CRYZ: variants seen among roughly 807,000 people sequenced by gnomAD.
CRYZ encodes crystallin zeta.
A neutral mutation model predicts 34.1 loss-of-function variants in CRYZ; 35 were observed. The observed-to-expected ratio is 1.03, with a 90% CI of 0.78 to 1.36. The LOEUF (loss-of-function observed/expected upper bound fraction) is 1.36. Among genes scored for constraint, CRYZ ranks in the 40% most tolerant of loss-of-function variants. CRYZ has a pLI of 0.00. For missense variants in CRYZ, 403 were observed against 391.8 expected (o/e 1.03, Z -0.24); for synonymous variants, 137 against 136.5 (o/e 1.00, Z -0.03).
At chr1:74,722,398 C>T (rs1476445014) in intron 3 of CRYZ, among the ~76,000 whole-genome samples, 2 of 152,034 alleles carry the variant, frequency 1.3e-5, no homozygotes, top group South Asian at 2.1e-4. Context: ...TTCAGTGGAG[C>T]GATGGGGGCA....
intron 4 of CRYZ, among the ~76,000 whole-genome samples, chr1:74,717,029 C>T (rs1317233900): frequency 6.6e-6 from 1 of 152,152 alleles, no homozygotes; most frequent in Non-Finnish European, 1.5e-5. Context: ...GTGACGCAAT[C>T]ACACACAAGT....
At chr1:74,729,908 A>G (rs1647613189) in intron 1 of CRYZ, among the ~76,000 whole-genome samples, 1 of 152,134 alleles carries the variant, frequency 6.6e-6, no homozygotes, top group Non-Finnish European at 1.5e-5. Context: ...GAACACAAAG[A>G]GCAAGAAGAA....
intron 1 of CRYZ, chr1:74,730,564 T>TAAA (rs1647659061): frequency 6.6e-6 from 1 of 152,206 alleles, no homozygotes; most frequent in Admixed American, 6.5e-5. Flanking sequence ...TCAGAACAGG[T>TAAA]AGAGAAGTTA....
chr1:74,720,657 G>A (rs1647147530), intron 3 of CRYZ, among the ~76,000 whole-genome samples: 1 of 152,114 alleles, frequency 6.6e-6, no homozygotes, highest in Non-Finnish European at 1.5e-5. Context: ...AGCCATCCAA[G>A]AGTCAAAGAC....
In CRYZ at chr1:74,723,104, T is replaced by C; in HGVS notation, c.264+14A>G. 2 of 1,602,806 alleles carry C rather than the reference T, an allele frequency of 1.2e-6. No individual in the cohort carries two copies. The highest frequency in any genetic ancestry group is 1.1e-5 in the South Asian group (1 of 87,896). ...TAAATTCAGCCAAAATAGAAATAAT[T>C]AAAAATGCAATACCTTGAAAGCAGA... On this transcript the variant is annotated intron_variant, in intron 3 of 8. Transcript: ENST00000340866.
At chr1:74,724,224 C>T (rs1415717839) in intron 2 of CRYZ, among the ~76,000 whole-genome samples, 2 of 152,120 alleles carry the variant, frequency 1.3e-5, no homozygotes. Context: ...GAAAATTAGA[C>T]TTGGGAGCCA....
At chr1:74,719,787 C>A (rs764066871) in intron 3 of CRYZ, among the ~76,000 whole-genome samples, 54 of 151,978 alleles carry the variant, frequency 3.6e-4, no homozygotes, top group African/African-American at 1.2e-3. Flanking sequence ...AGCCACCATG[C>A]CCAGCCATAA....
chr1:74,711,097 G>A (rs1646996041), intron 5 of CRYZ, among the ~76,000 whole-genome samples: 2 of 152,282 alleles, frequency 1.3e-5, no homozygotes, highest in South Asian at 2.1e-4. Flanking sequence ...GAATGCAGTT[G>A]GGGTCAAAGA....
chr1:74,706,745 C>T (rs967430654), intron 8 of CRYZ, among the ~76,000 whole-genome samples, 154 bp downstream of exon 8: 1 of 152,130 alleles, frequency 6.6e-6, no homozygotes, highest in Non-Finnish European at 1.5e-5. Flanking sequence ...ATAAATTATA[C>T]TGTCACCCTA....
intron 1 of CRYZ, chr1:74,732,721 C>A: frequency 6.5e-6 from 1 of 153,518 alleles, no homozygotes; most frequent in Non-Finnish European, 1.4e-5. Context: ...AGCCTAAACG[C>A]AGGACCAGGG....
intron 3 of CRYZ, among the ~76,000 whole-genome samples, chr1:74,722,338 C>T (rs2100720851): frequency 6.6e-6 from 1 of 152,026 alleles, no homozygotes; most frequent in South Asian, 2.1e-4. Context: ...ATAAAAGGGC[C>T]CATTAACTTC....
intron 3 of CRYZ, among the ~76,000 whole-genome samples, chr1:74,719,875 A>AAATATAAG (rs1647134040): frequency 6.6e-6 from 1 of 152,100 alleles, no homozygotes; most frequent in Non-Finnish European, 1.5e-5. Context: ...AAAACAGAAA[A>AAATATAAG]CATATAAGAA....
At position 74,706,477 on chromosome 1, in the gene CRYZ, ATTTC is replaced by A; in HGVS notation, c.829-24_829-21del. On this transcript the variant is annotated intron_variant, in intron 8 of 8. Transcript: ENST00000340866. ...TTCCTCCTAAGAAAAGGAAAAACAAATTTCTTTTTGTAGTGAACCGTATGATTTA... is the reference window on the plus strand; with the variant it reads ...TTCCTCCTAAGAAAAGGAAAAACAAATTTTTGTAGTGAACCGTATGATTTA... 1.3e-6 allele frequency: 2 copies of A among 1,587,656 alleles called. No homozygotes were observed. The highest frequency in any genetic ancestry group is 1.7e-6 in the Non-Finnish European group (2 of 1,170,876).
chr1:74,714,520 T>C, intron 5 of CRYZ, 59 bp downstream of exon 5: 1 of 1,490,828 alleles, frequency 6.7e-7, no homozygotes. Context: ...CCAAAGGAAC[T>C]ATAATGTGAA....
In CRYZ at chr1:74,710,164, A is replaced by C. The variant is rs772343585; in HGVS notation, c.564T>G (p.Ile188Met). ...CTTCATGGGCTCCATTTTGCAAAAC[A>C]ATCTTTTGTCCTTCCTCAGTACCAG... ...GTAGTEEGQK[I>M]VLQNGAHEVF... The change falls in exon 6 of 9, where the codon ATT (isoleucine) becomes ATG (methionine). Residue 188 changes from isoleucine to methionine, a missense_variant. Physicochemically the swap from Ile to Met is conservative, Grantham distance 10 (BLOSUM62 1). Coordinates refer to ENST00000340866, the MANE Select transcript of CRYZ (RefSeq NM_001889.4). 3.1e-6 allele frequency: 5 copies of C among 1,613,808 alleles called. No individual in the cohort carries two copies. The highest frequency in any genetic ancestry group is 3.3e-5 in the Admixed American group (2 of 60,008).
At chr1:74,719,707 G>A (rs1350622605) in intron 3 of CRYZ, among the ~76,000 whole-genome samples, 1 of 151,906 alleles carries the variant, frequency 6.6e-6, no homozygotes, top group African/African-American at 2.4e-5. Flanking sequence ...TGTTGGTCAG[G>A]CTGGTCTTGA....
chr1:74,726,980 T>C (rs570344128), intron 1 of CRYZ, among the ~76,000 whole-genome samples: 25 of 152,044 alleles, frequency 1.6e-4, no homozygotes, highest in Non-Finnish European at 3.4e-4. Flanking sequence ...TCCCAACAGG[T>C]TCCTCATTTC....
chr1:74,712,109 G>A (rs1647011975), intron 5 of CRYZ, among the ~76,000 whole-genome samples: 1 of 152,112 alleles, frequency 6.6e-6, no homozygotes, highest in Non-Finnish European at 1.5e-5. Context: ...GTATAAAAGA[G>A]AAATCAAAGT....
chr1:74,725,109 C>G (rs1159680365), intron 1 of CRYZ, among the ~76,000 whole-genome samples: 1 of 152,156 alleles, frequency 6.6e-6, no homozygotes, highest in Non-Finnish European at 1.5e-5. Flanking sequence ...TAGCATGATA[C>G]CATATTTAGG....
Sources: allele counts gnomAD v4.1 joint callset (sites outside exome capture counted in the v4.1 genomes callset), GRCh38; gene constraint gnomAD v4.1.1; transcripts MANE v1.5; gene names NCBI Gene and HGNC (gene_info 2026-07-23, HGNC 2026-07-21).